TRERF1: variants seen among roughly 807,000 people sequenced by gnomAD.
TRERF1 encodes transcriptional-regulating factor 1.
In TRERF1, 27 loss-of-function variants were observed where a neutral mutation model predicts 122.9. That is an observed-to-expected ratio of 0.22 (90% confidence interval 0.16 to 0.30). TRERF1 has a LOEUF of 0.30. Ranked by LOEUF, TRERF1 falls within the 10% of genes least tolerant of loss-of-function variation. The pLI is 1.00. For synonymous variants in TRERF1, 636 were observed against 641.7 expected (o/e 0.99, Z 0.13); for missense variants, 1,248 against 1,560.3 (o/e 0.80, Z 3.37).
chr6:42,327,221 C>G (rs1390289857), intron 3 of TRERF1, among the ~76,000 whole-genome samples: 4 of 152,176 alleles, frequency 2.6e-5, no homozygotes, highest in Non-Finnish European at 4.4e-5. Flanking sequence ...AATAAGTATA[C>G]CCAGTGACAT....
intron 3 of TRERF1, among the ~76,000 whole-genome samples, chr6:42,355,469 T>A (rs920149679): frequency 6.6e-6 from 1 of 152,206 alleles, no homozygotes; most frequent in African/African-American, 2.4e-5. Flanking sequence ...TTTAAAACTT[T>A]TACATTCCTA....
chr6:42,281,732 G>A (rs1427008601), intron 4 of TRERF1, among the ~76,000 whole-genome samples: 1 of 152,142 alleles, frequency 6.6e-6, no homozygotes, highest in Non-Finnish European at 1.5e-5. Context: ...GCTGTAGGAG[G>A]GACACCCAGC....
intron 2 of TRERF1, among the ~76,000 whole-genome samples, chr6:42,436,065 T>C (rs533156728): frequency 6.6e-6 from 1 of 151,506 alleles, no homozygotes; most frequent in East Asian, 2.0e-4. Context: ...GAACATAGAG[T>C]CCATATGAAA....
At chr6:42,426,221 A>G (rs1260988319) in intron 2 of TRERF1, among the ~76,000 whole-genome samples, 1 of 152,192 alleles carries the variant, frequency 6.6e-6, no homozygotes, top group Non-Finnish European at 1.5e-5. Context: ...TGCCTACTAC[A>G]CACCGGGCAC....
chr6:42,316,251 C>T (rs1413655871), intron 3 of TRERF1, among the ~76,000 whole-genome samples: 5 of 152,160 alleles, frequency 3.3e-5, no homozygotes, highest in Admixed American at 3.3e-4. Flanking sequence ...CTTGATGATT[C>T]ATCCAGAGAG....
chr6:42,323,711 C>G (rs990021214), intron 3 of TRERF1, among the ~76,000 whole-genome samples: 1 of 152,144 alleles, frequency 6.6e-6, no homozygotes, highest in Non-Finnish European at 1.5e-5. Context: ...GCCCCAAAAC[C>G]AGGAGGCAAC....
chr6:42,299,215 T>C (rs564485299), intron 4 of TRERF1, among the ~76,000 whole-genome samples: 1 of 152,006 alleles, frequency 6.6e-6, no homozygotes, highest in South Asian at 2.1e-4. Context: ...TCTATCTATC[T>C]ATCTATCTAT....
intron 13 of TRERF1, among the ~76,000 whole-genome samples, chr6:42,254,133 C>T (rs1472253369): frequency 1.3e-5 from 2 of 152,186 alleles, no homozygotes; most frequent in Non-Finnish European, 2.9e-5. Flanking sequence ...TCTTCTACTT[C>T]CCTCTTATTG....
chr6:42,265,310 A>G (rs1052636843), intron 6 of TRERF1, among the ~76,000 whole-genome samples: 5 of 152,232 alleles, frequency 3.3e-5, no homozygotes, highest in African/African-American at 1.2e-4. Context: ...ATGAGGAAGC[A>G]AGTCTGTACT....
At chr6:42,401,224 T>C (rs946024524) in intron 2 of TRERF1, among the ~76,000 whole-genome samples, 1 of 152,162 alleles carries the variant, frequency 6.6e-6, no homozygotes, top group Non-Finnish European at 1.5e-5. Context: ...TCTGAGATAC[T>C]GAATTAATTA....
chr6:42,356,406 G>A (rs1013392832), intron 3 of TRERF1, among the ~76,000 whole-genome samples: 2 of 152,302 alleles, frequency 1.3e-5, no homozygotes, highest in Admixed American at 1.3e-4. Context: ...TATAAGAAGA[G>A]GAAGAGGAGA....
chr6:42,305,995 C>CTT (rs55700516), intron 3 of TRERF1, among the ~76,000 whole-genome samples: 865 of 69,506 alleles, frequency 0.012, 17 homozygotes, highest in African/African-American at 0.017. Flanking sequence ...AATATCTCTC[C>CTT]TTTTTTTTTT....
chr6:42,442,407 C>T (rs938188506), intron 2 of TRERF1, among the ~76,000 whole-genome samples: 2 of 152,102 alleles, frequency 1.3e-5, no homozygotes, highest in South Asian at 4.1e-4. Context: ...GCAAGCTGTC[C>T]AGGGCCCTGT....
chr6:42,408,227 ATG>A (rs70987593), intron 2 of TRERF1, among the ~76,000 whole-genome samples: 3 of 116,698 alleles, frequency 2.6e-5, no homozygotes, highest in South Asian at 2.7e-4. Flanking sequence ...ATATATATAT[ATG>A]TGTGTGTGTA....
intron 2 of TRERF1, among the ~76,000 whole-genome samples, chr6:42,425,246 A>T (rs1218338718): frequency 6.6e-6 from 1 of 152,216 alleles, no homozygotes; most frequent in Non-Finnish European, 1.5e-5. Flanking sequence ...AGAATGGGTC[A>T]CATACTTCAC....
intron 2 of TRERF1, among the ~76,000 whole-genome samples, chr6:42,415,180 C>A (rs1781652906): frequency 6.6e-6 from 1 of 152,152 alleles, no homozygotes; most frequent in South Asian, 2.1e-4. Context: ...TATTTAAGAA[C>A]CACTTACACT....
chr6:42,237,270 G>C (rs189089775), intron 15 of TRERF1, among the ~76,000 whole-genome samples: 3 of 152,280 alleles, frequency 2.0e-5, no homozygotes, highest in Non-Finnish European at 4.4e-5. Context: ...TACTGGAATA[G>C]CTTGGAGTGG....
chr6:42,354,560 A>G (rs960110526), intron 3 of TRERF1, among the ~76,000 whole-genome samples: 2 of 152,136 alleles, frequency 1.3e-5, no homozygotes, highest in African/African-American at 4.8e-5. Flanking sequence ...GGTGAAGCCA[A>G]AATGATTTTT....
intron 2 of TRERF1, among the ~76,000 whole-genome samples, chr6:42,426,837 A>C (rs1226580704): frequency 6.6e-6 from 1 of 152,232 alleles, no homozygotes; most frequent in Non-Finnish European, 1.5e-5. Flanking sequence ...AAAGTTTGCC[A>C]ATCTTTGATC....
Sources: allele counts gnomAD v4.1 joint callset (sites outside exome capture counted in the v4.1 genomes callset), GRCh38; gene constraint gnomAD v4.1.1; transcripts MANE v1.5; gene names NCBI Gene and HGNC (gene_info 2026-07-23, HGNC 2026-07-21).